L3MBTL3: variants seen among roughly 807,000 people sequenced by gnomAD.
L3MBTL3 encodes the protein lethal(3)malignant brain tumor-like protein 3.
L3MBTL3 carries 27 observed loss-of-function variants against 102.3 expected under a neutral mutation model. The observed-to-expected ratio is 0.26, with a 90% CI of 0.19 to 0.36. L3MBTL3 has a LOEUF of 0.36. L3MBTL3 is among the 10% of genes least tolerant of loss of function. L3MBTL3 has a pLI of 1.00. For synonymous variants in L3MBTL3, 340 were observed against 320.9 expected (o/e 1.06, Z -0.64); for missense variants, 798 against 955.3 (o/e 0.84, Z 2.17).
chr6:130,029,258 A>G (rs1779551681), intron 2 of L3MBTL3, among the ~76,000 whole-genome samples: 1 of 152,176 alleles, frequency 6.6e-6, no homozygotes, highest in Non-Finnish European at 1.5e-5. Context: ...CTATAGAGAA[A>G]CACTCCCACT....
chr6:130,090,824 T>C (rs1783994850), intron 16 of L3MBTL3, among the ~76,000 whole-genome samples: 1 of 152,084 alleles, frequency 6.6e-6, no homozygotes, highest in Middle Eastern at 3.2e-3. Context: ...TGGGATCTAG[T>C]GATCCTCCCT....
At chr6:130,111,627 A>G (rs916696339) in intron 19 of L3MBTL3, among the ~76,000 whole-genome samples, 1 of 152,190 alleles carries the variant, frequency 6.6e-6, no homozygotes, top group African/African-American at 2.4e-5. Context: ...TGAGGAATGA[A>G]TGTCCTTTTC....
intron 22 of L3MBTL3, chr6:130,137,941 A>T: frequency 6.6e-6 from 1 of 152,256 alleles, no homozygotes; most frequent in Admixed American, 6.5e-5. Context: ...AACATTTCTC[A>T]TACCTGCCGC....
intron 10 of L3MBTL3, among the ~76,000 whole-genome samples, chr6:130,062,050 G>A (rs990928361): frequency 6.6e-6 from 1 of 152,126 alleles, no homozygotes; most frequent in Non-Finnish European, 1.5e-5. Context: ...AGTATAGACT[G>A]CTTTTGAGAA....
chr6:130,027,528 G>T (rs550850831), intron 2 of L3MBTL3, among the ~76,000 whole-genome samples: 6 of 152,178 alleles, frequency 3.9e-5, no homozygotes, highest in African/African-American at 9.6e-5. Flanking sequence ...GGTCTAATTG[G>T]GTGGACTTGA....
chr6:130,069,713 T>C (rs1324238903), intron 12 of L3MBTL3, among the ~76,000 whole-genome samples: 4 of 152,242 alleles, frequency 2.6e-5, no homozygotes, highest in African/African-American at 4.8e-5. Context: ...TCTCTGATGA[T>C]GACTTCAGTC....
rs563427590 is a variant in L3MBTL3 at position 130,080,364 on chromosome 6, G to A, written c.1321+1730G>A. 6.6e-5 allele frequency among the ~76,000 whole-genome samples: 10 copies of A among 152,272 alleles called. No homozygotes were observed. The South Asian group carries it at 1.9e-3, about 28-fold the overall frequency. ...TCTACCTTCCTTTGTCTGTCCTGCG[G>A]CTTACAAAATAATAGTGGCCAGTGA... On this transcript the variant is annotated intron_variant, in intron 14 of 22. Coordinates refer to ENST00000361794, the MANE Select transcript of L3MBTL3 (RefSeq NM_032438.4).
chr6:130,050,937 A>G (rs1489490713), intron 5 of L3MBTL3, among the ~76,000 whole-genome samples: 2 of 152,256 alleles, frequency 1.3e-5, no homozygotes, highest in Non-Finnish European at 2.9e-5. Flanking sequence ...AGAAGTTTCT[A>G]TAGATCGATA....
In L3MBTL3 at chr6:130,133,520, C is replaced by G; in HGVS notation, c.2035C>G (p.Pro679Ala). ...AGCTGTCTTTCTGTCCTTTAAGTCC[C>G]CAATTCCATGTCTGCCCTTGCGCTG... Reference protein sequence around the residue: ...RSAVFLSFKSPIPCLPLRWEQ... With the variant: ...RSAVFLSFKSAIPCLPLRWEQ... Residue 679 changes from proline (P) to alanine (A), a missense_variant, in exon 21 of 23, where the codon CCA becomes GCA. Physicochemically the swap from Pro to Ala is conservative, Grantham distance 27 (BLOSUM62 -1). Transcript: ENST00000361794. This position sits in a 1 kb window ranked among gnomAD's most constrained non-coding sequence, Gnocchi z 4.9. 1 of 1,614,110 alleles carries G rather than the reference C, an allele frequency of 6.2e-7. No homozygotes were observed. Among genetic ancestry groups the G allele is most frequent in the Non-Finnish European group, 8.5e-7 (1 of 1,180,006 alleles).
intron 10 of L3MBTL3, among the ~76,000 whole-genome samples, chr6:130,062,439 C>T (rs1299424740): frequency 6.6e-6 from 1 of 151,324 alleles, no homozygotes; most frequent in African/African-American, 2.4e-5. Context: ...GGCTGGAGTG[C>T]AGTGACGTGT....
At chr6:130,066,286 G>GTA (rs148263906) in intron 10 of L3MBTL3, 67 bp from the exon 11 acceptor site, 35,080 of 381,768 alleles carry the variant, frequency 0.092, 1,085 homozygotes, top group Admixed American at 0.18. Flanking sequence ...TTATTTTTGT[G>GTA]TATATATATA....
intron 2 of L3MBTL3, among the ~76,000 whole-genome samples, chr6:130,034,881 G>A (rs6569649): frequency 1 from 152,324 of 152,360 alleles, 76,144 homozygotes; most frequent in Middle Eastern, 1. Flanking sequence ...CCATAAATAC[G>A]TAGTCTGCGA....
chr6:130,059,210 C>T (rs1264566167), intron 9 of L3MBTL3, among the ~76,000 whole-genome samples: 1 of 152,162 alleles, frequency 6.6e-6, no homozygotes, highest in Non-Finnish European at 1.5e-5. Flanking sequence ...ATTTGCCTCT[C>T]CTGAAGTAAC....
chr6:130,089,061 TC>T (rs1360298222), intron 16 of L3MBTL3, among the ~76,000 whole-genome samples: 2 of 152,140 alleles, frequency 1.3e-5, no homozygotes, highest in Admixed American at 6.6e-5. Flanking sequence ...CAGTACTCTA[TC>T]TTTTTATTAT....
At chr6:130,024,584 T>G (rs1445086996) in intron 2 of L3MBTL3, among the ~76,000 whole-genome samples, 1 of 152,196 alleles carries the variant, frequency 6.6e-6, no homozygotes, top group Admixed American at 6.5e-5. Flanking sequence ...CAATGCTGTT[T>G]ATAGTAGTGC....
At chr6:130,032,628 C>T (rs891575034) in intron 2 of L3MBTL3, among the ~76,000 whole-genome samples, 3 of 152,172 alleles carry the variant, frequency 2.0e-5, no homozygotes, top group African/African-American at 4.8e-5. Flanking sequence ...TCTGTCTTCA[C>T]CATTACTCAA....
At chr6:130,111,586 T>C (rs1309298978) in intron 19 of L3MBTL3, among the ~76,000 whole-genome samples, 1 of 152,222 alleles carries the variant, frequency 6.6e-6, no homozygotes, top group African/African-American at 2.4e-5. Context: ...TCAGAGCTTA[T>C]TTGTAATAGG....
chr6:130,072,481 C>T (rs535490212), intron 13 of L3MBTL3, among the ~76,000 whole-genome samples: 1 of 152,218 alleles, frequency 6.6e-6, no homozygotes, highest in African/African-American at 2.4e-5. Context: ...TTTTTCCCAG[C>T]TTTTTTCTGC....
At chr6:130,058,231 A>G (rs909002278) in intron 9 of L3MBTL3, among the ~76,000 whole-genome samples, 5 of 152,010 alleles carry the variant, frequency 3.3e-5, no homozygotes, top group African/African-American at 9.7e-5. Flanking sequence ...ATGGGTCACT[A>G]TATTATATTA....
Sources: gnomAD v4.1 joint callset for allele counts (sites outside exome capture counted in the v4.1 genomes callset) on GRCh38, gnomAD v4.1.1 for gene constraint, Gnocchi (gnomAD v3.1) non-coding constraint, MANE v1.5 for transcripts, NCBI Gene and HGNC (gene_info 2026-07-23, HGNC 2026-07-21) for gene names.